TMEM198: variants seen among roughly 807,000 people sequenced by gnomAD.
The protein encoded by TMEM198 is transmembrane protein 198.
Under a neutral mutation model 31.5 loss-of-function variants are expected in TMEM198, and 21 were observed. The observed-to-expected ratio is 0.67, with a 90% CI of 0.47 to 0.96. The LOEUF (loss-of-function observed/expected upper bound fraction) is 0.96. TMEM198 is among the 40% of genes least tolerant of loss of function. The pLI is 0.00. For missense variants in TMEM198, 447 were observed against 499.4 expected (o/e 0.89, Z 1.00); for synonymous variants, 211 against 223.3 (o/e 0.95, Z 0.49).
rs1381256904 is a variant in TMEM198, at chr2:219,550,350, T to A, written c.*496T>A. The A allele has an allele frequency of 1.0e-5, 2 of 191,428 alleles. No individual in the cohort carries two copies. Among genetic ancestry groups the A allele is most frequent in the Non-Finnish European group, 2.2e-5 (2 of 92,040 alleles). The allele number at this position is 191,428 out of a possible 1,614,324, so 11.9% of individuals were successfully genotyped here. On this transcript the variant is annotated 3_prime_UTR_variant, in exon 5 of 5. Transcript: ENST00000373883. ...TTGTCCTTGTCTATGGGGCAAACTG[T>A]AGCATCCCTCACCCTGGTCCCCTGG...
At position 219,549,142 on chromosome 2, in the gene TMEM198, C is replaced by T. The variant is rs1195411667; in HGVS notation, c.743-10C>T. 1.2e-6 allele frequency: 2 copies of T among 1,613,720 alleles called. No homozygotes were observed. Among genetic ancestry groups the T allele is most frequent in the Admixed American group, 1.7e-5 (1 of 60,022 alleles). On this transcript the variant is annotated splice_polypyrimidine_tract_variant and intron_variant, in intron 3 of 4. Coordinates refer to ENST00000373883, the MANE Select transcript of TMEM198 (RefSeq NM_001005209.3). ...TCCTCTGAGCTCCTTCTCTACCCAT[C>T]CCACCACAGTGGTCATCAGCCGGCA... is the stretch of plus-strand genomic sequence containing the variant.
chr2:219,548,226 C>A, intron 3 of TMEM198, 145 bp downstream of exon 3: 2 of 748,722 alleles, frequency 2.7e-6, no homozygotes, highest in African/African-American at 1.8e-5. Context: ...GGGAGGATAG[C>A]ACCCAGGTGC....
chr2:219,548,463 T>G (rs1695441422), intron 3 of TMEM198, among the ~76,000 whole-genome samples: 1 of 152,078 alleles, frequency 6.6e-6, no homozygotes, highest in African/African-American at 2.4e-5. Context: ...TGGAAGCTAT[T>G]AGAGTTAGGG....
chr2:219,546,797 A>G (rs1230864754), intron 2 of TMEM198, among the ~76,000 whole-genome samples: 4 of 33,014 alleles, frequency 1.2e-4, no homozygotes, highest in Non-Finnish European at 2.8e-4. Context: ...TTTTTTTTTG[A>G]GACAAGAGTC....
rs1296675638 is a variant in TMEM198 at position 219,550,382 on chromosome 2, T to G, written c.*528T>G. The G allele has an allele frequency of 5.0e-6, 1 of 198,616 alleles. No homozygotes were observed. The highest frequency in any genetic ancestry group is 2.3e-5 in the African/African-American group (1 of 42,792). 12.3% of individuals were successfully genotyped at this position (198,616 alleles called of 1,614,324 possible). The stretch of plus-strand genomic sequence containing the variant: ...CCTCACCCTGGTCCCCTGGCCTCTG[T>G]AAAGCCACCAGCCTGAGGGCAGTGG... On this transcript the variant is annotated 3_prime_UTR_variant, in exon 5 of 5. Transcript: ENST00000373883.
rs765579111 is a variant in TMEM198 at position 219,547,576 on chromosome 2, C to G, written c.237C>G (p.Leu79=). Residue 79 remains leucine, a synonymous_variant, in exon 3 of 5, where the codon CTC becomes CTG. Transcript: ENST00000373883. ...TTGGCTCGGTGGTCATCTTCCTCCT[C>G]TGCTACCGAGAGCGGGTGCTAGAGA... ...LLFGSVVIFL[L]CYRERVLETQ... 6.1e-6 allele frequency: 9 copies of G among 1,471,316 alleles called. No individual in the cohort carries two copies. In the South Asian group the frequency reaches 1.3e-4, roughly 22 times the overall value. 91.1% of individuals were successfully genotyped at this position (1,471,316 alleles called of 1,614,324 possible). A position where few individuals can be genotyped will look rare whatever the true frequency, so the allele number is the denominator to read the frequency against.
intron 3 of TMEM198, among the ~76,000 whole-genome samples, chr2:219,548,918 G>T (rs1695456823): frequency 6.7e-6 from 1 of 148,982 alleles, no homozygotes; most frequent in African/African-American, 2.4e-5. Flanking sequence ...GCCTGGAAGG[G>T]GGTACCTGGA....
rs1225992943 is a variant in TMEM198, at chr2:219,547,829, A to G, written c.490A>G (p.Thr164Ala). ...LGGGLLCALL[T>A]LRWPRPLTTL... Reference sequence around the variant, plus strand: ...GGGCGGCCTGCTCTGTGCCCTGCTCACTCTGCGCTGGCCCCGCCCACTCAC... The same window carrying G: ...GGGCGGCCTGCTCTGTGCCCTGCTCGCTCTGCGCTGGCCCCGCCCACTCAC... Residue 164 changes from threonine to alanine, a missense_variant, in exon 3 of 5, where the codon ACT (threonine) becomes GCT (alanine). Thr to Ala is a moderately conservative substitution (Grantham distance 58). Coordinates refer to ENST00000373883, the MANE Select transcript of TMEM198 (RefSeq NM_001005209.3). 3 of 1,589,012 alleles carry G rather than the reference A, an allele frequency of 1.9e-6. No individual in the cohort carries two copies. The highest frequency in any genetic ancestry group is 1.8e-4 in the Middle Eastern group (1 of 5,528).
chr2:219,545,966 G>A (rs1695380127), intron 2 of TMEM198, among the ~76,000 whole-genome samples: 1 of 152,086 alleles, frequency 6.6e-6, no homozygotes, highest in South Asian at 2.1e-4. Flanking sequence ...GGCCTCCAAG[G>A]ATTCTGTATC....
intron 2 of TMEM198, among the ~76,000 whole-genome samples, chr2:219,546,784 T>TC (rs1282384821): frequency 2.0e-5 from 3 of 149,466 alleles, no homozygotes; most frequent in Non-Finnish European, 4.5e-5. Context: ...GTTTCTTTTT[T>TC]TTTTTTTTTT....
Position 219,544,796 on chromosome 2 carries a change from T to C in TMEM198, c.69T>C (p.Gly23=), listed in dbSNP as rs1324138451. 3 of 1,614,086 alleles carry C rather than the reference T, an allele frequency of 1.9e-6. No homozygotes were observed. Among genetic ancestry groups the C allele is most frequent in the Admixed American group, 1.7e-5 (1 of 60,008 alleles). The change falls in exon 2 of 5, where the codon GGT becomes GGC. Residue 23 remains glycine, a synonymous_variant. Coordinates refer to ENST00000373883, the MANE Select transcript of TMEM198 (RefSeq NM_001005209.3). ...CTGAGCCAGATGATGCCTTCTGGGG[T>C]GCACCTTGTGAACAGCCCCTGGAGC... is the stretch of plus-strand genomic sequence containing the variant. The part of the protein sequence containing the change: ...LPPEPDDAFW[G]APCEQPLERR...
In TMEM198 at chr2:219,550,041, C is replaced by T. The variant is rs1369577849; in HGVS notation, c.*187C>T. ...TGAGAGGAAAGCCCCCTCCCAAGCT[C>T]CCAAGAGGCTCCTGAGGAACTCGGG... On this transcript the variant is annotated 3_prime_UTR_variant, in exon 5 of 5. Transcript: ENST00000373883. 6.9e-5 allele frequency: 52 copies of T among 757,238 alleles called. No homozygotes were observed. Among genetic ancestry groups the T allele is most frequent in the Non-Finnish European group, 9.7e-5 (47 of 486,954 alleles). The allele number at this position is 757,238 out of a possible 1,614,324, so 46.9% of individuals were successfully genotyped here.
In TMEM198 at chr2:219,547,764, A is replaced by G; in HGVS notation, c.425A>G (p.Gln142Arg). Residue 142 changes from glutamine (Q) to arginine (R), a missense_variant, in exon 3 of 5, where the codon CAG becomes CGG. Coordinates refer to ENST00000373883, the MANE Select transcript of TMEM198 (RefSeq NM_001005209.3). ...AALLGSAPYY[Q>R]PGSVWGPLGL... ...CTGCTGGGCTCCGCACCCTACTACC[A>G]GCCAGGCTCCGTGTGGGGTCCACTG... 1 of 1,593,934 alleles carries G rather than the reference A, an allele frequency of 6.3e-7. No homozygotes were observed. The highest frequency in any genetic ancestry group is 2.2e-5 in the East Asian group (1 of 44,642).
chr2:219,549,960 T>G lies in TMEM198; in HGVS notation c.*106T>G. On this transcript the variant is annotated 3_prime_UTR_variant, in exon 5 of 5. Transcript: ENST00000373883. ...GCTTTGGCTGTCCCTCTCCCCAGCCTGGAGAGGGCTGGCCTGGTCACTAGA... is the reference window on the plus strand; with the variant it reads ...GCTTTGGCTGTCCCTCTCCCCAGCCGGGAGAGGGCTGGCCTGGTCACTAGA... 1 of 1,421,248 alleles carries G rather than the reference T, an allele frequency of 7.0e-7. No homozygotes were observed. 88.0% of individuals were successfully genotyped at this position (1,421,248 alleles called of 1,614,324 possible).
intron 3 of TMEM198, 140 bp from the exon 4 acceptor site, chr2:219,549,012 G>A (rs1354870430): frequency 3.5e-6 from 3 of 851,800 alleles, no homozygotes; most frequent in Non-Finnish European, 5.6e-6. Flanking sequence ...ACCAGGAAAG[G>A]AAGTGACAGG....
At position 219,548,417 on chromosome 2, in the gene TMEM198, G is replaced by C. The variant is rs1013469330; in HGVS notation, c.742+336G>C. Among the ~76,000 whole-genome samples, 4 of 152,216 alleles carry C rather than the reference G, an allele frequency of 2.6e-5. No individual in the cohort carries two copies. In the South Asian group the frequency reaches 8.3e-4, roughly 32 times the overall value. On this transcript the variant is annotated intron_variant, in intron 3 of 4. Coordinates refer to ENST00000373883, the MANE Select transcript of TMEM198 (RefSeq NM_001005209.3). ...TCCAGTTGTGTAGAGTGATATGACAGAGACATTGTGCAGGATAATGTGAAA... is the reference window on the plus strand; with the variant it reads ...TCCAGTTGTGTAGAGTGATATGACACAGACATTGTGCAGGATAATGTGAAA...
At position 219,549,749 on chromosome 2, in the gene TMEM198, C is replaced by T. The variant is rs780003867; in HGVS notation, c.978C>T (p.Thr326=). ...TCCAGAGCTTCCGAGACCGGCAGAC[C>T]GGGAGCTCCCTGAGCTCCTTCATGG... ...SYIQSFRDRQ[T]GSSLSSFMAS... Residue 326 remains threonine (T), a synonymous_variant, in exon 5 of 5, where the codon ACC becomes ACT. Transcript: ENST00000373883. 1.9e-5 allele frequency: 31 copies of T among 1,613,392 alleles called. No homozygotes were observed. In the East Asian group the frequency reaches 2.2e-4, roughly 12 times the overall value.
chr2:219,550,538 C>A lies in TMEM198; in HGVS notation c.*684C>A, dbSNP rs928778241. 7.1e-5 allele frequency: 32 copies of A among 448,974 alleles called. No homozygotes were observed. Among genetic ancestry groups the A allele is most frequent in the Middle Eastern group, 1.2e-3 (2 of 1,692 alleles). The allele number at this position is 448,974 out of a possible 1,614,324, so 27.8% of individuals were successfully genotyped here. A position where few individuals can be genotyped will look rare whatever the true frequency, so the allele number is the denominator to read the frequency against. ...ACACCTCATGCTTCTGTCTCCCCCA[C>A]CCCACTCTGTTTTACATCTTTTATA... On this transcript the variant is annotated 3_prime_UTR_variant, in exon 5 of 5. Transcript: ENST00000373883.
chr2:219,544,337 C>A lies in TMEM198; in HGVS notation c.-80C>A, dbSNP rs1011832362. The A allele has an allele frequency of 1.3e-4, 63 of 476,128 alleles. No individual in the cohort carries two copies. The highest frequency in any genetic ancestry group is 1.1e-3 in the African/African-American group (56 of 50,624). 29.5% of individuals were successfully genotyped at this position (476,128 alleles called of 1,614,324 possible). A position where few individuals can be genotyped will look rare whatever the true frequency, so the allele number is the denominator to read the frequency against. ...AACCCCGGCCCCTCGGGCCTCTGCA[C>A]AGCCTCTTTCACTCAGAAGCTCAGG... On this transcript the variant is annotated 5_prime_UTR_variant, in exon 1 of 5. Coordinates refer to ENST00000373883, the MANE Select transcript of TMEM198 (RefSeq NM_001005209.3).
Sources: gnomAD v4.1 joint callset for allele counts (sites outside exome capture counted in the v4.1 genomes callset) on GRCh38, gnomAD v4.1.1 for gene constraint, MANE v1.5 for transcripts, NCBI Gene and HGNC (gene_info 2026-07-23, HGNC 2026-07-21) for gene names.